Variants in HIBADH observed in about 807,000 individuals in gnomAD.
The protein encoded by HIBADH is 3-hydroxyisobutyrate dehydrogenase.
HIBADH carries 25 observed loss-of-function variants against 36.1 expected under a neutral mutation model. The observed-to-expected ratio is 0.69, with a 90% CI of 0.50 to 0.97. The LOEUF (loss-of-function observed/expected upper bound fraction) is 0.97, where lower values mean the gene tolerates loss of function less well. Among genes scored for constraint, HIBADH ranks in the 50% least tolerant of loss-of-function variants. HIBADH has a pLI of 0.00. For missense variants in HIBADH, 421 were observed against 418.0 expected, an observed-to-expected ratio of 1.01 and a Z score of -0.06; for synonymous variants, 160 against 149.5, an observed-to-expected ratio of 1.07 and a Z score of -0.51.
At chr7:27,566,629 T>C (rs1484879259) in intron 4 of HIBADH, among the ~76,000 whole-genome samples, 2 of 152,264 alleles carry the variant, frequency 1.3e-5, no homozygotes, top group East Asian at 3.8e-4. Context: ...TTTCTCACAA[T>C]AGAACTTAAA....
intron 4 of HIBADH, among the ~76,000 whole-genome samples, chr7:27,582,960 A>T (rs1256032315): frequency 5.3e-5 from 8 of 152,092 alleles, no homozygotes; most frequent in Admixed American, 3.9e-4. Flanking sequence ...GGATTAAATG[A>T]GATGATGTCT....
chr7:27,659,681 C>T (rs1786377685), intron 1 of HIBADH, among the ~76,000 whole-genome samples: 1 of 152,076 alleles, frequency 6.6e-6, no homozygotes, highest in Non-Finnish European at 1.5e-5. Flanking sequence ...ATGATTGCAC[C>T]ACTGCACTCC....
chr7:27,592,526 C>A (rs1238152562), intron 4 of HIBADH, among the ~76,000 whole-genome samples: 1 of 152,168 alleles, frequency 6.6e-6, no homozygotes, highest in Non-Finnish European at 1.5e-5. Context: ...ACACCTTCGC[C>A]TGGCCCCATT....
At chr7:27,641,584 T>C (rs1237346793) in intron 2 of HIBADH, among the ~76,000 whole-genome samples, 1 of 152,206 alleles carries the variant, frequency 6.6e-6, no homozygotes, top group Non-Finnish European at 1.5e-5. Context: ...TCATTTTTTC[T>C]TTTATCCAAC....
chr7:27,651,251 A>G (rs1786189222), intron 1 of HIBADH, among the ~76,000 whole-genome samples: 1 of 152,240 alleles, frequency 6.6e-6, no homozygotes, highest in African/African-American at 2.4e-5. Context: ...GGTTGGAAGC[A>G]TATTTAATTC....
chr7:27,578,606 C>T (rs1055028398), intron 4 of HIBADH, among the ~76,000 whole-genome samples: 7 of 151,642 alleles, frequency 4.6e-5, no homozygotes, highest in African/African-American at 1.7e-4. Flanking sequence ...TGTGAGCCAC[C>T]GCGCCCAGCC....
intron 1 of HIBADH, among the ~76,000 whole-genome samples, chr7:27,652,630 T>C (rs559104519): frequency 1.2e-4 from 19 of 152,310 alleles, no homozygotes; most frequent in African/African-American, 4.6e-4. Context: ...AACATGAAGG[T>C]GACAGCAGAT....
intron 1 of HIBADH, among the ~76,000 whole-genome samples, chr7:27,651,321 C>A (rs1786190430): frequency 6.6e-6 from 1 of 152,134 alleles, no homozygotes; most frequent in Non-Finnish European, 1.5e-5. Flanking sequence ...TTCTGTGCAA[C>A]ATCATTTAAC....
At position 27,526,189 on chromosome 7, in the gene HIBADH, C is replaced by T. The variant is rs1490734860; in HGVS notation, c.*25G>A. 1 of 1,579,010 alleles carries T rather than the reference C, an allele frequency of 6.3e-7. No homozygotes were observed. The highest frequency in any genetic ancestry group is 2.3e-5 in the East Asian group (1 of 43,428). On this transcript the variant is annotated 3_prime_UTR_variant, in exon 8 of 8. Transcript: ENST00000265395. ...CTCCAAGACAGAGTTTGGTTCCCAA[C>T]AGTGTCCGTGGCCAAAGGGCACACT...
At chr7:27,626,420 A>C (rs1785649771) in intron 4 of HIBADH, among the ~76,000 whole-genome samples, 1 of 152,178 alleles carries the variant, frequency 6.6e-6, no homozygotes, top group African/African-American at 2.4e-5. Context: ...ATTACTTTCG[A>C]TTTTTAAAAG....
intron 4 of HIBADH, among the ~76,000 whole-genome samples, chr7:27,557,096 C>T (rs1784401301): frequency 6.6e-6 from 1 of 150,532 alleles, no homozygotes; most frequent in South Asian, 2.1e-4. Context: ...GGCATGTTCA[C>T]ACCACTGCAC....
At chr7:27,528,401 A>C (rs1783942899) in intron 7 of HIBADH, among the ~76,000 whole-genome samples, 1 of 151,828 alleles carries the variant, frequency 6.6e-6, no homozygotes, top group African/African-American at 2.4e-5. Context: ...CCATTAAAAC[A>C]AACAGTAGAA....
intron 4 of HIBADH, among the ~76,000 whole-genome samples, chr7:27,571,367 C>T (rs1372014132): frequency 5.3e-5 from 8 of 152,034 alleles, no homozygotes; most frequent in Admixed American, 5.2e-4. Flanking sequence ...GGATTACAGG[C>T]ATGTGCCACC....
chr7:27,654,340 T>C (rs919918089), intron 1 of HIBADH, among the ~76,000 whole-genome samples: 6 of 152,026 alleles, frequency 3.9e-5, no homozygotes, highest in African/African-American at 1.4e-4. Context: ...TGGCCAAAAA[T>C]GTTCCAAAGT....
chr7:27,585,263 G>GCA (rs746988453), intron 4 of HIBADH, among the ~76,000 whole-genome samples: 1,384 of 47,968 alleles, frequency 0.029, 8 homozygotes, highest in East Asian at 0.042. Context: ...ACACACGTGT[G>GCA]TATGTATGTG....
intron 7 of HIBADH, among the ~76,000 whole-genome samples, chr7:27,526,688 A>T (rs945542027): frequency 6.6e-5 from 10 of 152,132 alleles, no homozygotes; most frequent in South Asian, 2.1e-4. Flanking sequence ...TAAGACATAA[A>T]TTTTTTTTAA....
chr7:27,654,162 GA>G (rs1428543259), intron 1 of HIBADH, among the ~76,000 whole-genome samples: 1 of 152,004 alleles, frequency 6.6e-6, no homozygotes, highest in Non-Finnish European at 1.5e-5. Flanking sequence ...TAATAACCTT[GA>G]AGATACAGCA....
chr7:27,637,098 A>G (rs924824801), intron 2 of HIBADH, among the ~76,000 whole-genome samples: 3 of 152,216 alleles, frequency 2.0e-5, no homozygotes, highest in African/African-American at 7.2e-5. Flanking sequence ...TAGATACAGT[A>G]ACAGCAGCAG....
intron 4 of HIBADH, among the ~76,000 whole-genome samples, chr7:27,598,909 A>C (rs920966869): frequency 1.3e-5 from 2 of 152,138 alleles, no homozygotes; most frequent in African/African-American, 4.8e-5. Flanking sequence ...AAAGACAGGA[A>C]ACAAGGACTT....
Sources: allele counts gnomAD v4.1 joint callset (sites outside exome capture counted in the v4.1 genomes callset), GRCh38; gene constraint gnomAD v4.1.1; transcripts MANE v1.5; gene names NCBI Gene and HGNC (gene_info 2026-07-23, HGNC 2026-07-21).